DGKI: variants seen among roughly 807,000 people sequenced by gnomAD.
DGKI encodes diacylglycerol kinase iota, also known as DAG kinase iota.
DGKI carries 55 observed loss-of-function variants against 147.5 expected under a neutral mutation model. That is an observed-to-expected ratio of 0.37 (90% confidence interval 0.30 to 0.47). The LOEUF is 0.47. Among genes scored for constraint, DGKI ranks in the 20% least tolerant of loss-of-function variants. The pLI is 1.00. For synonymous variants in DGKI, 469 were observed against 477.1 expected, an observed-to-expected ratio of 0.98 and a Z score of 0.22; for missense variants, 1,007 against 1,323.8, an observed-to-expected ratio of 0.76 and a Z score of 3.71.
chr7:137,515,117 T>A, intron 21 of DGKI, among the ~76,000 whole-genome samples: 1 of 152,188 alleles, frequency 6.6e-6, no homozygotes, highest in East Asian at 1.9e-4. Context: ...TGCCATTTCC[T>A]CTGCCCAGGG....
In DGKI at chr7:137,738,733, C is replaced by T. The variant is rs60163782; in HGVS notation, c.402-48731G>A. Reference sequence around the variant, plus strand: ...ACAGAGAAGATGAGGTTCCCCCCCCCCCTTTCCTTTTCATATCCGATTTAC... The same window carrying T: ...ACAGAGAAGATGAGGTTCCCCCCCCTCCTTTCCTTTTCATATCCGATTTAC... On this transcript the variant is annotated intron_variant, in intron 1 of 32. Coordinates refer to ENST00000614521, the MANE Select transcript of DGKI (RefSeq NM_001321708.2). Among the ~76,000 whole-genome samples the T allele has an allele frequency of 1.6e-4, 24 of 148,280 alleles. No homozygotes were observed. In the South Asian group the frequency reaches 1.7e-3, roughly 11 times the overall value.
chr7:137,846,407 G>A lies in DGKI; in HGVS notation c.401+55C>T. On this transcript the variant is annotated intron_variant, in intron 1 of 32. Transcript: ENST00000614521. This position sits in a 1 kb window ranked among gnomAD's most constrained non-coding sequence, Gnocchi z 4.0. ...CGGAAGCGCCCCTTGCTGGGTAGAA[G>A]AGTGGGTCTCCCGCCGCGGCGCACC... 1 of 1,360,208 alleles carries A rather than the reference G, an allele frequency of 7.4e-7. No individual in the cohort carries two copies. The allele number at this position is 1,360,208 out of a possible 1,614,324, so 84.3% of individuals were successfully genotyped here.
chr7:137,404,479 T>C (rs1441486485), intron 30 of DGKI, among the ~76,000 whole-genome samples: 1 of 152,232 alleles, frequency 6.6e-6, no homozygotes, highest in Admixed American at 6.5e-5. Context: ...AAAATTGCCA[T>C]CCATCAAAAA....
intron 21 of DGKI, among the ~76,000 whole-genome samples, chr7:137,499,403 C>A (rs1352780495): frequency 6.6e-6 from 1 of 152,144 alleles, no homozygotes; most frequent in Non-Finnish European, 1.5e-5. Context: ...AACACAATTT[C>A]TGGCTGTGTC....
intron 21 of DGKI, among the ~76,000 whole-genome samples, chr7:137,510,861 C>T (rs1312520673): frequency 1.3e-5 from 2 of 152,196 alleles, no homozygotes; most frequent in African/African-American, 2.4e-5. Flanking sequence ...ACAAATTATA[C>T]ATGGACAGCT....
chr7:137,799,191 G>A (rs1314504809), intron 1 of DGKI, among the ~76,000 whole-genome samples: 1 of 152,076 alleles, frequency 6.6e-6, no homozygotes. Flanking sequence ...AGGAAGGAAG[G>A]CCTGATACAT....
At chr7:137,825,031 T>G (rs1321954333) in intron 1 of DGKI, among the ~76,000 whole-genome samples, 1 of 152,226 alleles carries the variant, frequency 6.6e-6, no homozygotes, top group East Asian at 1.9e-4. Flanking sequence ...TGTATGCATG[T>G]GTCTTCATAA....
rs557631895 is a variant in DGKI, at chr7:137,801,935, G to A, written c.401+44527C>T. On this transcript the variant is annotated intron_variant, in intron 1 of 32. Coordinates refer to ENST00000614521, the MANE Select transcript of DGKI (RefSeq NM_001321708.2). ...AAAAAAATGCATTTTTGGAAGACACGAGCACACACGTGTTCATAGCAGCAC... is the reference window on the plus strand; with the variant it reads ...AAAAAAATGCATTTTTGGAAGACACAAGCACACACGTGTTCATAGCAGCAC... Among the ~76,000 whole-genome samples, 21 of 152,182 alleles carry A rather than the reference G, an allele frequency of 1.4e-4. No individual in the cohort carries two copies. The South Asian group carries it at 1.5e-3, about 11-fold the overall frequency.
chr7:137,611,258 T>C (rs1249367401), intron 8 of DGKI, among the ~76,000 whole-genome samples: 1 of 152,100 alleles, frequency 6.6e-6, no homozygotes, highest in Non-Finnish European at 1.5e-5. Context: ...GCAGGAACAG[T>C]ATGTATTTGG....
intron 23 of DGKI, among the ~76,000 whole-genome samples, chr7:137,481,433 G>T (rs771510483): frequency 3.3e-5 from 5 of 152,084 alleles, no homozygotes; most frequent in African/African-American, 1.2e-4. Context: ...GCAACCTCAA[G>T]AATATCCTAA....
At chr7:137,426,112 T>G (rs1258732522) in intron 28 of DGKI, among the ~76,000 whole-genome samples, 1 of 152,000 alleles carries the variant, frequency 6.6e-6, no homozygotes, top group Non-Finnish European at 1.5e-5. Flanking sequence ...TTCACCGAAG[T>G]TGAAATGAAG....
In DGKI at chr7:137,389,517, G is replaced by A. The variant is rs1478319449; in HGVS notation, c.*1703C>T. 1 of 152,200 alleles carries A rather than the reference G, an allele frequency of 6.6e-6. No individual in the cohort carries two copies. Among genetic ancestry groups the A allele is most frequent in the East Asian group, 1.9e-4 (1 of 5,196 alleles). The allele number at this position is 152,200 out of a possible 1,614,324, so 9.4% of individuals were successfully genotyped here. ...AAATGTAGAGACACTATCATTCATG[G>A]TCATATGTAGAAACATTAGGGAAGC... On this transcript the variant is annotated 3_prime_UTR_variant, in exon 33 of 33. Coordinates refer to ENST00000614521, the MANE Select transcript of DGKI (RefSeq NM_001321708.2).
chr7:137,534,036 A>T (rs552803503), intron 20 of DGKI, among the ~76,000 whole-genome samples: 1 of 152,270 alleles, frequency 6.6e-6, no homozygotes, highest in South Asian at 2.1e-4. Context: ...GGGTGTTATG[A>T]GAGACCAGCA....
In DGKI at chr7:137,432,962, T is replaced by C. The variant is rs141249562; in HGVS notation, c.2761+11115A>G. 2.5e-3 allele frequency among the ~76,000 whole-genome samples: 379 copies of C among 152,328 alleles called. 4 individuals carry two copies. Among genetic ancestry groups the C allele is most frequent in the African/African-American group, 8.7e-3 (361 of 41,568 alleles). ...AGGAAAGGCTTCAGCAATGAACTTC[T>C]GGAAAGTATTATGTGAAGTTGTGCT... On this transcript the variant is annotated intron_variant, in intron 28 of 32. Coordinates refer to ENST00000614521, the MANE Select transcript of DGKI (RefSeq NM_001321708.2).
chr7:137,738,792 T>C (rs1670472390), intron 1 of DGKI, among the ~76,000 whole-genome samples: 1 of 151,000 alleles, frequency 6.6e-6, no homozygotes, highest in African/African-American at 2.4e-5. Flanking sequence ...CAGACTTCCA[T>C]TGTCTATTTT....
intron 15 of DGKI, among the ~76,000 whole-genome samples, chr7:137,579,027 A>C (rs1377536218): frequency 6.6e-6 from 1 of 152,146 alleles, no homozygotes; most frequent in Non-Finnish European, 1.5e-5. Context: ...ATTTTTAAAA[A>C]TTCTCCTTTA....
intron 18 of DGKI, 149 bp from the exon 19 acceptor site, chr7:137,571,435 G>A: frequency 1.6e-6 from 1 of 616,964 alleles, no homozygotes; most frequent in South Asian, 2.2e-5. Context: ...AAAAGGAAAT[G>A]CACTTCTTAT....
At chr7:137,683,538 C>T (rs138691796) in intron 2 of DGKI, among the ~76,000 whole-genome samples, 1 of 152,212 alleles carries the variant, frequency 6.6e-6, no homozygotes, top group East Asian at 1.9e-4. Context: ...ACACACTGGG[C>T]TCCCTGTCAC....
chr7:137,810,636 T>C (rs1294170950), intron 1 of DGKI, among the ~76,000 whole-genome samples: 1 of 152,220 alleles, frequency 6.6e-6, no homozygotes, highest in Admixed American at 6.5e-5. Context: ...CAGCAGTTTA[T>C]GTCTATCTAG....
Sources: allele counts gnomAD v4.1 joint callset (sites outside exome capture counted in the v4.1 genomes callset), GRCh38; gene constraint gnomAD v4.1.1; non-coding constraint Gnocchi (gnomAD v3.1); transcripts MANE v1.5; gene names NCBI Gene and HGNC (gene_info 2026-07-23, HGNC 2026-07-21).